The following CUBN variants were observed in gnomAD, a reference collection of about 807,000 sequenced individuals.
CUBN encodes the protein 460 kDa receptor.
CUBN carries 282 observed loss-of-function variants against 405.3 expected under a neutral mutation model. The observed-to-expected ratio is 0.70, with a 90% confidence interval of 0.63 to 0.77. The LOEUF is 0.77. CUBN is among the 30% of genes least tolerant of loss of function. The probability of loss-of-function intolerance (pLI) is 0.00; values close to 1 mark genes in which losing one functional copy is unlikely to be tolerated. For missense variants in CUBN, 4,514 were observed against 4,475.2 expected (o/e 1.01, Z -0.25); for synonymous variants, 1,684 against 1,617.0 (o/e 1.04, Z -0.99).
chr10:17,045,278 T>A, intron 24 of CUBN, 90 bp from the exon 25 acceptor site: 1 of 1,246,552 alleles, frequency 8.0e-7, no homozygotes. Context: ...GCCATTCTAC[T>A]ATCCTTTAAA....
intron 14 of CUBN, among the ~76,000 whole-genome samples, chr10:17,093,472 C>T (rs1836308820): frequency 6.6e-6 from 1 of 152,012 alleles, no homozygotes; most frequent in African/African-American, 2.4e-5. Context: ...TATGGCAATC[C>T]ACCAGGATTC....
chr10:16,938,354 T>C (rs919517200), intron 38 of CUBN, among the ~76,000 whole-genome samples: 1 of 152,214 alleles, frequency 6.6e-6, no homozygotes. Flanking sequence ...TTTTGAGGCA[T>C]ATTCTGTGAT....
At chr10:16,918,534 A>C in intron 45 of CUBN, 88 bp downstream of exon 45, 1 of 1,020,720 alleles carries the variant, frequency 9.8e-7, no homozygotes, top group Non-Finnish European at 1.5e-6. Flanking sequence ...TAATCTCTAC[A>C]ACAAACCCCC....
In CUBN at chr10:17,068,635, A is replaced by G; in HGVS notation, c.2761T>C (p.Phe921Leu). 1 of 1,613,328 alleles carries G rather than the reference A, an allele frequency of 6.2e-7. No individual in the cohort carries two copies. The highest frequency in any genetic ancestry group is 8.5e-7 in the Non-Finnish European group (1 of 1,179,472). The change falls in exon 20 of 67, where the codon TTC (phenylalanine) becomes CTC (leucine). Residue 921 changes from phenylalanine to leucine, a missense_variant. Around this residue, in one of 5 missense-constraint regions of CUBN, gnomAD observed 1,448 missense variants for 1,388.0 expected, o/e 1.04. Coordinates refer to ENST00000377833, the MANE Select transcript of CUBN (RefSeq NM_001081.4). ...VKSSSTENHGFMAKFSAEDLA... is the reference protein window; with the variant it reads ...VKSSSTENHGLMAKFSAEDLA... ...TCCTCAGCACTGAACTTAGCCATGA[A>G]ACCATGGTTTTCAGTAGAAGAACTT... is the stretch of plus-strand genomic sequence containing the variant.
intron 36 of CUBN, among the ~76,000 whole-genome samples, chr10:16,946,490 CT>C (rs775415655): frequency 0.036 from 4,385 of 121,040 alleles, 106 homozygotes; most frequent in South Asian, 0.1. Flanking sequence ...AAAACCATTC[CT>C]TTTTTTTTTT....
chr10:17,054,066 C>T (rs1835330918), intron 22 of CUBN, among the ~76,000 whole-genome samples: 2 of 151,988 alleles, frequency 1.3e-5, no homozygotes, highest in African/African-American at 4.8e-5. Context: ...GGCGCAGTGG[C>T]TCACTCCTGT....
At chr10:16,834,158 A>AG (rs1168455835) in intron 64 of CUBN, among the ~76,000 whole-genome samples, 3 of 152,266 alleles carry the variant, frequency 2.0e-5, no homozygotes, top group Non-Finnish European at 4.4e-5. Context: ...GGCAAAACAC[A>AG]GGGGCTGAGT....
intron 19 of CUBN, 27 bp from the exon 20 acceptor site, chr10:17,068,797 T>C: frequency 6.5e-7 from 1 of 1,544,342 alleles, no homozygotes; most frequent in Non-Finnish European, 8.9e-7. Context: ...TATGTTCAAA[T>C]ATGTTGTATA....
At chr10:16,958,486 A>G (rs1244838379) in intron 31 of CUBN, among the ~76,000 whole-genome samples, 2 of 152,162 alleles carry the variant, frequency 1.3e-5, no homozygotes, top group Non-Finnish European at 2.9e-5. Context: ...CGATTGCACC[A>G]CTGCACTCCA....
In CUBN at chr10:17,115,537, T is replaced by TTCACAG; in HGVS notation, c.648_653dup (p.Asp216_Cys217dup). ...GGACACAGCGTGCCACAGAACCCCC[T>TTCACAG]TCACAGTCGTCATATTTGGATGCAC... is the stretch of plus-strand genomic sequence containing the variant. On this transcript the variant is annotated inframe_insertion, in exon 7 of 67. Transcript: ENST00000377833. 6.2e-7 allele frequency: 1 copy of TTCACAG among 1,614,124 alleles called. No individual in the cohort carries two copies. Among genetic ancestry groups the TTCACAG allele is most frequent in the Non-Finnish European group, 8.5e-7 (1 of 1,180,020 alleles).
intron 10 of CUBN, among the ~76,000 whole-genome samples, chr10:17,105,801 C>T (rs551466657): frequency 3.9e-5 from 6 of 152,308 alleles, no homozygotes; most frequent in East Asian, 3.9e-4. Context: ...ACATTATTGA[C>T]GTACTGGGTT....
At chr10:17,087,466 CTTTTTCT>C (rs1462450149) in intron 15 of CUBN, among the ~76,000 whole-genome samples, 7 of 79,790 alleles carry the variant, frequency 8.8e-5, no homozygotes, top group Middle Eastern at 7.7e-3. Context: ...TATTATTTTT[CTTTTTCT>C]TTTTTTTTTT....
chr10:16,909,946 C>A (rs1385665388), intron 48 of CUBN, among the ~76,000 whole-genome samples: 1 of 152,178 alleles, frequency 6.6e-6, no homozygotes, highest in Non-Finnish European at 1.5e-5. Context: ...AAATTTTAGG[C>A]TCATTCCAGC....
At chr10:17,026,065 A>T (rs919949372) in intron 27 of CUBN, among the ~76,000 whole-genome samples, 2 of 152,076 alleles carry the variant, frequency 1.3e-5, no homozygotes, top group Non-Finnish European at 1.5e-5. Context: ...TTTGGGTCCT[A>T]CCCAGCCCTG....
At chr10:16,942,216 C>T (rs1217290378) in intron 36 of CUBN, among the ~76,000 whole-genome samples, 1 of 152,180 alleles carries the variant, frequency 6.6e-6, no homozygotes, top group African/African-American at 2.4e-5. Context: ...CCTCGTGGGA[C>T]TGCATACTGA....
At chr10:17,048,897 T>G (rs770142079) in intron 22 of CUBN, among the ~76,000 whole-genome samples, 17 of 152,238 alleles carry the variant, frequency 1.1e-4, no homozygotes, top group Non-Finnish European at 2.4e-4. Context: ...GAACATATTA[T>G]AGGTTCTACT....
intron 39 of CUBN, among the ~76,000 whole-genome samples, chr10:16,935,576 T>G (rs1842476101): frequency 6.6e-6 from 1 of 152,086 alleles, no homozygotes; most frequent in African/African-American, 2.4e-5. Context: ...TATATGTGTG[T>G]ATAAGAAATG....
intron 28 of CUBN, among the ~76,000 whole-genome samples, chr10:16,992,112 AC>A (rs1405479152): frequency 6.6e-6 from 1 of 152,198 alleles, no homozygotes; most frequent in African/African-American, 2.4e-5. Flanking sequence ...GAAGCTGGAA[AC>A]CATCATTCTG....
At chr10:17,063,935 C>A (rs1422119664) in intron 22 of CUBN, among the ~76,000 whole-genome samples, 1 of 152,208 alleles carries the variant, frequency 6.6e-6, no homozygotes, top group Non-Finnish European at 1.5e-5. Context: ...TGCTCCAAAT[C>A]CTGATCTAAT....
Sources: allele counts gnomAD v4.1 joint callset (sites outside exome capture counted in the v4.1 genomes callset), GRCh38; gene constraint gnomAD v4.1.1; regional missense constraint gnomAD v4.1.1; transcripts MANE v1.5; gene names NCBI Gene and HGNC (gene_info 2026-07-23, HGNC 2026-07-21).